Variants in CDKAL1 observed in about 807,000 individuals in gnomAD.
CDKAL1 encodes threonylcarbamoyladenosine tRNA methylthiotransferase.
CDKAL1 carries 32 observed loss-of-function variants against 68.2 expected under a neutral mutation model. The ratio of observed to expected loss-of-function variants is 0.47; its 90% CI spans 0.35 to 0.63. CDKAL1 has a LOEUF of 0.63. CDKAL1 is among the 30% of genes least tolerant of loss of function. CDKAL1 has a pLI of 0.00. For missense variants in CDKAL1, 606 were observed against 696.7 expected (o/e 0.87, Z 1.47); for synonymous variants, 234 against 244.3 (o/e 0.96, Z 0.39).
intron 13 of CDKAL1, among the ~76,000 whole-genome samples, chr6:21,133,209 C>A (rs1047695812): frequency 6.6e-6 from 1 of 152,202 alleles, no homozygotes; most frequent in African/African-American, 2.4e-5. Context: ...GTGGCAGCTG[C>A]TTTGTTACTA....
intron 5 of CDKAL1, among the ~76,000 whole-genome samples, chr6:20,688,435 T>C (rs1313723681): frequency 6.6e-6 from 1 of 152,162 alleles, no homozygotes; most frequent in Non-Finnish European, 1.5e-5. Flanking sequence ...CGTTTTTTTT[T>C]TGTTTTTAGT....
rs557570787 is a variant in CDKAL1, at chr6:21,195,634, T to G, written c.1300-2387T>G. On this transcript the variant is annotated intron_variant, in intron 13 of 15. Transcript: ENST00000274695. ...CAAGCAATCCTTCCACTTCAGCCTC[T>G]CGTGTAGCTGGGACTATAGGCACAC... Among the ~76,000 whole-genome samples, 141 of 151,910 alleles carry G rather than the reference T, an allele frequency of 9.3e-4. 1 individual carries two copies. The highest frequency in any genetic ancestry group is 3.3e-3 in the African/African-American group (135 of 41,408).
chr6:21,225,132 T>C (rs886429104), intron 15 of CDKAL1, among the ~76,000 whole-genome samples: 2 of 152,064 alleles, frequency 1.3e-5, no homozygotes, highest in African/African-American at 2.4e-5. Context: ...AGCAGGGTGC[T>C]CACCACTGTT....
intron 12 of CDKAL1, among the ~76,000 whole-genome samples, chr6:21,097,669 T>C (rs2150979233): frequency 6.6e-6 from 1 of 152,326 alleles, no homozygotes; most frequent in East Asian, 1.9e-4. Flanking sequence ...CAAAAGATAC[T>C]AAATGCTGTC....
intron 9 of CDKAL1, among the ~76,000 whole-genome samples, chr6:20,925,640 G>A (rs953339553): frequency 4.6e-5 from 7 of 152,178 alleles, no homozygotes; most frequent in South Asian, 4.1e-4. Context: ...CCTTAGTAGT[G>A]CATTTTTTAA....
intron 8 of CDKAL1, among the ~76,000 whole-genome samples, chr6:20,786,181 C>T (rs1775663866): frequency 1.3e-5 from 2 of 152,124 alleles, no homozygotes; most frequent in South Asian, 4.2e-4. Flanking sequence ...GCTGAGATCA[C>T]ACCACTGCAC....
At chr6:21,162,015 C>T (rs1029844000) in intron 13 of CDKAL1, among the ~76,000 whole-genome samples, 5 of 152,142 alleles carry the variant, frequency 3.3e-5, no homozygotes, top group East Asian at 1.9e-4. Flanking sequence ...GTAATACAGA[C>T]GCTGCTTACA....
At chr6:20,896,726 C>T (rs1344850403) in intron 9 of CDKAL1, among the ~76,000 whole-genome samples, 1 of 152,112 alleles carries the variant, frequency 6.6e-6, no homozygotes, top group Admixed American at 6.5e-5. Flanking sequence ...CTGTGTACCA[C>T]TGTTGGAAAC....
chr6:21,228,106 T>C (rs1311610370), intron 15 of CDKAL1, among the ~76,000 whole-genome samples: 1 of 152,194 alleles, frequency 6.6e-6, no homozygotes, highest in Non-Finnish European at 1.5e-5. Flanking sequence ...GAACTGGGGA[T>C]AGGGAAAAGG....
chr6:20,658,511 A>G (rs1769133137), intron 5 of CDKAL1, among the ~76,000 whole-genome samples: 1 of 152,322 alleles, frequency 6.6e-6, no homozygotes. Flanking sequence ...CTTCCATGCT[A>G]TTCTGTTGAG....
intron 9 of CDKAL1, among the ~76,000 whole-genome samples, chr6:20,933,997 T>C (rs1486686706): frequency 6.6e-6 from 1 of 151,918 alleles, no homozygotes; most frequent in Non-Finnish European, 1.5e-5. Context: ...ATTATATATA[T>C]ATGGACTGTG....
chr6:20,597,247 G>A (rs1765870644), intron 4 of CDKAL1, among the ~76,000 whole-genome samples: 1 of 151,914 alleles, frequency 6.6e-6, no homozygotes, highest in Non-Finnish European at 1.5e-5. Context: ...TCCTGCCTCA[G>A]CCTCCCGAGT....
At chr6:21,000,418 C>A (rs1449864336) in intron 11 of CDKAL1, 46 bp downstream of exon 11, 2 of 1,542,618 alleles carry the variant, frequency 1.3e-6, no homozygotes, top group Non-Finnish European at 1.8e-6. Context: ...TTTTTTCTTT[C>A]AAAAGCTTGT....
At chr6:20,988,703 G>A (rs981708281) in intron 10 of CDKAL1, among the ~76,000 whole-genome samples, 1 of 152,014 alleles carries the variant, frequency 6.6e-6, no homozygotes, top group Non-Finnish European at 1.5e-5. Flanking sequence ...AGGCTGGAGT[G>A]CAGTGGCACG....
At chr6:20,923,678 TCAA>T (rs1459099687) in intron 9 of CDKAL1, among the ~76,000 whole-genome samples, 1 of 152,176 alleles carries the variant, frequency 6.6e-6, no homozygotes, top group Non-Finnish European at 1.5e-5. Context: ...CTCTAAGTGT[TCAA>T]GTGAGAGGAG....
intron 10 of CDKAL1, among the ~76,000 whole-genome samples, chr6:20,965,439 AG>A (rs1765261130): frequency 2.5e-5 from 3 of 118,274 alleles, no homozygotes; most frequent in Non-Finnish European, 5.1e-5. Context: ...AGGGGAGGGG[AG>A]GGGGAACATT....
At chr6:20,630,316 C>T (rs1285095203) in intron 4 of CDKAL1, among the ~76,000 whole-genome samples, 1 of 152,120 alleles carries the variant, frequency 6.6e-6, no homozygotes, top group Non-Finnish European at 1.5e-5. Context: ...ACACCCTCTT[C>T]CCCTTGGATG....
chr6:21,212,912 G>A lies in CDKAL1; in HGVS notation c.1548+11638G>A, dbSNP rs540109744. Among the ~76,000 whole-genome samples the A allele has an allele frequency of 7.0e-4, 107 of 152,194 alleles. 4 individuals are homozygous for A. Among genetic ancestry groups the A allele is most frequent in the African/African-American group, 2.5e-3 (102 of 41,510 alleles). On this transcript the variant is annotated intron_variant, in intron 15 of 15. Transcript: ENST00000274695. The stretch of plus-strand genomic sequence containing the variant: ...ATCTAGGGCAGTTTTCTGATAGGAA[G>A]CCAACCTAAAAATTTAAGATGTAGC...
chr6:21,100,699 A>ATTT (rs5874801), intron 12 of CDKAL1, among the ~76,000 whole-genome samples: 1 of 151,578 alleles, frequency 6.6e-6, no homozygotes, highest in East Asian at 1.9e-4. Flanking sequence ...ATTTTGGGGT[A>ATTT]TTTTTTTTAT....
Sources: gnomAD v4.1 joint callset for allele counts (sites outside exome capture counted in the v4.1 genomes callset) on GRCh38, gnomAD v4.1.1 for gene constraint, MANE v1.5 for transcripts, NCBI Gene and HGNC (gene_info 2026-07-23, HGNC 2026-07-21) for gene names.